KLF12: variants seen among roughly 807,000 people sequenced by gnomAD.
KLF12 encodes the protein KLF transcription factor 12.
Under a neutral mutation model 37.8 loss-of-function variants are expected in KLF12, and 9 were observed. That is an observed-to-expected ratio of 0.24 (90% confidence interval 0.14 to 0.42). The LOEUF (loss-of-function observed/expected upper bound fraction) is 0.42. Ranked by LOEUF, KLF12 falls within the 10% of genes least tolerant of loss-of-function variation. KLF12 has a pLI of 1.00. For missense variants in KLF12, 411 were observed against 516.0 expected, an observed-to-expected ratio of 0.80 and a Z score of 1.97; for synonymous variants, 208 against 202.1, an observed-to-expected ratio of 1.03 and a Z score of -0.25.
At chr13:73,815,708 C>T (rs935573774) in intron 4 of KLF12, among the ~76,000 whole-genome samples, 13 of 152,086 alleles carry the variant, frequency 8.5e-5, no homozygotes, top group African/African-American at 3.1e-4. Flanking sequence ...TGCCAAGATA[C>T]CAAATTTGCA....
At chr13:74,094,488 G>T (rs539950120) in intron 1 of KLF12, among the ~76,000 whole-genome samples, 3 of 152,090 alleles carry the variant, frequency 2.0e-5, no homozygotes, top group African/African-American at 7.2e-5. Flanking sequence ...TAGATCATGA[G>T]TTTCAAATGC....
the KLF12 span, among the ~76,000 whole-genome samples, chr13:74,212,039 G>A: frequency 1.3e-5 from 2 of 152,024 alleles, no homozygotes; most frequent in Non-Finnish European, 2.9e-5. Flanking sequence ...ATTTTTCAAA[G>A]TGGAGTGAAA....
chr13:74,008,176 C>T (rs973029677), intron 1 of KLF12, among the ~76,000 whole-genome samples: 4 of 152,120 alleles, frequency 2.6e-5, no homozygotes, highest in African/African-American at 9.7e-5. Flanking sequence ...TTTTATTTCA[C>T]TAAAACAAAA....
intron 6 of KLF12, among the ~76,000 whole-genome samples, chr13:73,727,716 G>A (rs1280871007): frequency 8.3e-6 from 1 of 120,428 alleles, no homozygotes; most frequent in Non-Finnish European, 1.8e-5. Flanking sequence ...TTTTTTTTTT[G>A]AGATGGAGTC....
At chr13:73,851,520 G>T (rs1223232671) in intron 3 of KLF12, among the ~76,000 whole-genome samples, 2 of 152,142 alleles carry the variant, frequency 1.3e-5, no homozygotes, top group African/African-American at 2.4e-5. Context: ...TGACTGGCCT[G>T]ATTTCTTAAT....
intron 1 of KLF12, among the ~76,000 whole-genome samples, chr13:74,123,945 A>G (rs1295545964): frequency 6.6e-6 from 1 of 152,224 alleles, no homozygotes; most frequent in Non-Finnish European, 1.5e-5. Context: ...TCAATCCACC[A>G]TACAGAACTA....
intron 3 of KLF12, among the ~76,000 whole-genome samples, chr13:73,918,296 T>C (rs988676700): frequency 6.6e-5 from 10 of 152,178 alleles, no homozygotes; most frequent in African/African-American, 2.4e-4. Context: ...CTCCTCTTCT[T>C]ACTCCTACTC....
intron 3 of KLF12, among the ~76,000 whole-genome samples, chr13:73,901,178 C>T (rs1197929887): frequency 6.6e-6 from 1 of 152,206 alleles, no homozygotes; most frequent in Non-Finnish European, 1.5e-5. Context: ...CAATTAGCTA[C>T]GACTTCACCT....
the KLF12 span, among the ~76,000 whole-genome samples, chr13:74,283,963 C>G: frequency 5.3e-5 from 8 of 151,634 alleles, no homozygotes; most frequent in Admixed American, 3.9e-4. Context: ...GGGTTCATGC[C>G]ATTCTCCTAC....
chr13:74,193,670 ACAAT>A, the KLF12 span, among the ~76,000 whole-genome samples: 2 of 152,216 alleles, frequency 1.3e-5, no homozygotes. Flanking sequence ...TTTAAATAAT[ACAAT>A]CAAAGACTTC....
intron 5 of KLF12, among the ~76,000 whole-genome samples, chr13:73,810,317 A>G (rs544012131): frequency 6.6e-6 from 1 of 152,220 alleles, no homozygotes; most frequent in Non-Finnish European, 1.5e-5. Context: ...TTAAACAGTT[A>G]CACATTAAAA....
At chr13:74,130,574 T>G in intron 1 of KLF12, among the ~76,000 whole-genome samples, 1 of 151,590 alleles carries the variant, frequency 6.6e-6, no homozygotes. Flanking sequence ...GGAGGATCCC[T>G]TGAGCCCGGG....
chr13:74,105,408 G>T (rs143883847), intron 1 of KLF12, among the ~76,000 whole-genome samples: 12 of 151,848 alleles, frequency 7.9e-5, no homozygotes, highest in Admixed American at 2.6e-4. Flanking sequence ...AAGGAAAATG[G>T]AAAATCAAAG....
At chr13:73,764,048 T>A (rs1879742728) in intron 6 of KLF12, among the ~76,000 whole-genome samples, 3 of 152,172 alleles carry the variant, frequency 2.0e-5, no homozygotes, top group Admixed American at 2.0e-4. Flanking sequence ...GATTTAGGAA[T>A]AAAATTAATT....
At chr13:73,851,102 T>C (rs1037336630) in intron 3 of KLF12, among the ~76,000 whole-genome samples, 4 of 152,178 alleles carry the variant, frequency 2.6e-5, no homozygotes, top group African/African-American at 7.2e-5. Flanking sequence ...GTTGTGAAGA[T>C]TGGGTTAATG....
At chr13:73,967,149 G>C (rs1891191779) in intron 2 of KLF12, among the ~76,000 whole-genome samples, 1 of 152,084 alleles carries the variant, frequency 6.6e-6, no homozygotes, top group Non-Finnish European at 1.5e-5. Flanking sequence ...TCTTTGACTT[G>C]GGAATCTGTT....
At chr13:74,268,108 C>A in the KLF12 span, among the ~76,000 whole-genome samples, 32 of 152,122 alleles carry the variant, frequency 2.1e-4, no homozygotes, top group Non-Finnish European at 8.8e-5. Flanking sequence ...TTGTTTTAAG[C>A]TACTGAGTTT....
chr13:74,134,594 A>G (rs1223030837), upstream of KLF12, among the ~76,000 whole-genome samples: 2 of 144,884 alleles, frequency 1.4e-5, no homozygotes, highest in East Asian at 4.1e-4. Context: ...CTTCCCTTTC[A>G]CCTGCACCAC....
chr13:74,243,257 T>C, the KLF12 span, among the ~76,000 whole-genome samples: 1 of 151,568 alleles, frequency 6.6e-6, no homozygotes, highest in Non-Finnish European at 1.5e-5. Context: ...TTTCCAGCTT[T>C]ATCCATGTCC....
Sources: allele counts gnomAD v4.1 joint callset (sites outside exome capture counted in the v4.1 genomes callset), GRCh38; gene constraint gnomAD v4.1.1; transcripts MANE v1.5; gene names NCBI Gene and HGNC (gene_info 2026-07-23, HGNC 2026-07-21).